Variants in PRIM2 observed in about 807,000 individuals in gnomAD.
The protein encoded by PRIM2 is DNA primase large subunit.
In PRIM2, 39 loss-of-function variants were observed where a neutral mutation model predicts 67.3. That is an observed-to-expected ratio of 0.58 (90% confidence interval 0.45 to 0.76). The LOEUF is 0.76. Among genes scored for constraint, PRIM2 ranks in the 30% least tolerant of loss-of-function variants. The pLI is 0.00. For synonymous variants in PRIM2, 143 were observed against 198.7 expected, an observed-to-expected ratio of 0.72 and a Z score of 2.36; for missense variants, 398 against 598.7, an observed-to-expected ratio of 0.66 and a Z score of 3.50.
intron 10 of PRIM2, among the ~76,000 whole-genome samples, chr6:57,539,656 GTATATATATA>G (rs1209100326): frequency 8.4e-5 from 6 of 71,136 alleles, no homozygotes; most frequent in South Asian, 4.6e-4. Flanking sequence ...GTGTGTGTGT[GTATATATATA>G]TATATATGCA....
intron 10 of PRIM2, among the ~76,000 whole-genome samples, chr6:57,541,591 A>G (rs1410962303): frequency 6.6e-6 from 1 of 152,184 alleles, no homozygotes; most frequent in Non-Finnish European, 1.5e-5. Flanking sequence ...TTTTAACTGT[A>G]TGGGGTGAGG....
chr6:57,471,984 C>T (rs1277757550), intron 7 of PRIM2, among the ~76,000 whole-genome samples: 4 of 152,028 alleles, frequency 2.6e-5, no homozygotes, highest in East Asian at 3.9e-4. Context: ...TTGAGATACG[C>T]GGTTTTTTTT....
At chr6:57,564,627 C>G (rs1332820414) in intron 10 of PRIM2, among the ~76,000 whole-genome samples, 9 of 151,958 alleles carry the variant, frequency 5.9e-5, no homozygotes, top group Admixed American at 5.9e-4. Flanking sequence ...GATTTATTCA[C>G]TTTAGGGCAA....
At chr6:57,440,944 G>A (rs1426088646) in intron 7 of PRIM2, among the ~76,000 whole-genome samples, 1 of 152,068 alleles carries the variant, frequency 6.6e-6, no homozygotes. Flanking sequence ...TGCTGATTTG[G>A]CATAAACAGT....
the PRIM2 span, among the ~76,000 whole-genome samples, chr6:57,295,901 G>A: frequency 6.6e-6 from 1 of 152,186 alleles, no homozygotes; most frequent in East Asian, 1.9e-4. Context: ...GAAAAGAATG[G>A]AGGGATGGGA....
At chr6:57,298,060 A>T in the PRIM2 span, among the ~76,000 whole-genome samples, 1 of 152,186 alleles carries the variant, frequency 6.6e-6, no homozygotes, top group Non-Finnish European at 1.5e-5. Context: ...AGTGAAGAGT[A>T]ATAAAAACTT....
intron 7 of PRIM2, among the ~76,000 whole-genome samples, chr6:57,430,072 A>G (rs1210653207): frequency 6.6e-6 from 1 of 152,160 alleles, no homozygotes; most frequent in Non-Finnish European, 1.5e-5. Flanking sequence ...GATAAAGGGC[A>G]TTTGGTATTA....
the PRIM2 span, among the ~76,000 whole-genome samples, chr6:57,259,197 C>G: frequency 6.6e-6 from 1 of 152,106 alleles, no homozygotes; most frequent in South Asian, 2.1e-4. Flanking sequence ...GAGTCCAAGC[C>G]TATTGTATTG....
chr6:57,421,826 A>G lies in PRIM2; in HGVS notation c.693+39658A>G, dbSNP rs546269243. On this transcript the variant is annotated intron_variant, in intron 7 of 13. Transcript: ENST00000615550. ...ATGCTTTTCTTTTCTCCATTCAAAG[A>G]GCAGTCTCTTTACATTTGATATTCT... 3.3e-5 allele frequency among the ~76,000 whole-genome samples: 5 copies of G among 152,306 alleles called. No individual in the cohort carries two copies. The East Asian group carries it at 5.8e-4, about 18-fold the overall frequency.
At chr6:57,638,968 C>A (rs1162362874) in intron 13 of PRIM2, among the ~76,000 whole-genome samples, 3 of 152,174 alleles carry the variant, frequency 2.0e-5, no homozygotes, top group East Asian at 3.8e-4. Flanking sequence ...TTCTCAGCAC[C>A]ACATTGCACT....
chr6:57,291,068 T>C, the PRIM2 span, among the ~76,000 whole-genome samples: 1 of 151,920 alleles, frequency 6.6e-6, no homozygotes, highest in Admixed American at 6.6e-5. Flanking sequence ...CAGGAGCTGG[T>C]TTTTGAAAAG....
intron 13 of PRIM2, among the ~76,000 whole-genome samples, chr6:57,644,380 C>T (rs1263014172): frequency 6.6e-6 from 1 of 152,136 alleles, no homozygotes; most frequent in African/African-American, 2.4e-5. Context: ...ACAAAGCCTT[C>T]CTTGATCTCC....
the PRIM2 span, among the ~76,000 whole-genome samples, chr6:57,305,831 T>C: frequency 6.6e-6 from 1 of 152,220 alleles, no homozygotes; most frequent in Non-Finnish European, 1.5e-5. Context: ...ATGTTCTTAC[T>C]AAAAATAGGT....
At chr6:57,455,469 C>G (rs1269665384) in intron 7 of PRIM2, among the ~76,000 whole-genome samples, 2 of 152,118 alleles carry the variant, frequency 1.3e-5, no homozygotes, top group Non-Finnish European at 2.9e-5. Context: ...TCTGGGTGCT[C>G]CTGTATTGGG....
chr6:57,570,045 G>A (rs1450403396), intron 10 of PRIM2, among the ~76,000 whole-genome samples: 4 of 152,094 alleles, frequency 2.6e-5, no homozygotes, highest in African/African-American at 9.7e-5. Context: ...CTGCCACTTT[G>A]TTTAACTTTA....
At chr6:57,268,899 T>C in the PRIM2 span, among the ~76,000 whole-genome samples, 10 of 151,172 alleles carry the variant, frequency 6.6e-5, no homozygotes, top group African/African-American at 2.2e-4. Context: ...TTTTTTGTCC[T>C]TGCGATAGTT....
intron 3 of PRIM2, 142 bp downstream of exon 3, chr6:57,320,702 A>G (rs1767625426): frequency 3.9e-5 from 20 of 515,302 alleles, no homozygotes; most frequent in Non-Finnish European, 6.3e-5. Context: ...TCAGTGTATT[A>G]GGGGTGATTG....
intron 5 of PRIM2, among the ~76,000 whole-genome samples, chr6:57,349,914 T>C (rs1291777044): frequency 1.3e-5 from 2 of 152,218 alleles, no homozygotes; most frequent in Non-Finnish European, 2.9e-5. Flanking sequence ...AAAATCTTCT[T>C]AAACCTTCAA....
chr6:57,519,005 C>CG (rs1376158926), intron 8 of PRIM2, among the ~76,000 whole-genome samples: 6 of 152,030 alleles, frequency 3.9e-5, no homozygotes, highest in African/African-American at 1.2e-4. Context: ...GCTGGGTGTC[C>CG]GGGGGAGACA....
Sources: gnomAD v4.1 joint callset for allele counts (sites outside exome capture counted in the v4.1 genomes callset) on GRCh38, gnomAD v4.1.1 for gene constraint, MANE v1.5 for transcripts, NCBI Gene and HGNC (gene_info 2026-07-23, HGNC 2026-07-21) for gene names.